The following KIF9 variants were observed in gnomAD, a reference collection of about 807,000 sequenced individuals.
KIF9 encodes the protein kinesin-like protein KIF9.
Under a neutral mutation model 94.8 loss-of-function variants are expected in KIF9, and 68 were observed. The observed-to-expected ratio is 0.72, with a 90% CI of 0.59 to 0.88. KIF9 has a LOEUF of 0.88. Ranked by LOEUF, KIF9 falls within the 40% of genes least tolerant of loss-of-function variation. KIF9 has a pLI of 0.00. For missense variants in KIF9, 882 were observed against 982.5 expected, an observed-to-expected ratio of 0.90 and a Z score of 1.37; for synonymous variants, 343 against 362.1, an observed-to-expected ratio of 0.95 and a Z score of 0.60.
intron 18 of KIF9, 111 bp from the exon 19 acceptor site, chr3:47,236,260 C>G (rs2107079527): frequency 9.8e-7 from 1 of 1,015,818 alleles, no homozygotes; most frequent in South Asian, 1.4e-5. Context: ...GCTCCAAGGT[C>G]TTACCCTGTC....
Position 47,271,365 on chromosome 3 carries a change from T to G in KIF9, c.463A>C (p.Thr155Pro). The G allele has an allele frequency of 6.2e-7, 1 of 1,613,518 alleles. No individual in the cohort carries two copies. The highest frequency in any genetic ancestry group is 8.5e-7 in the Non-Finnish European group (1 of 1,179,856). Residue 155 changes from threonine (T) to proline (P), a missense_variant, in exon 5 of 21, where the codon ACT (threonine) becomes CCT (proline). Physicochemically the swap from Thr to Pro is conservative, Grantham distance 38 (BLOSUM62 -1). Coordinates refer to ENST00000684063, the MANE Select transcript of KIF9 (RefSeq NM_182902.4). ...ACTGAGGGTCCAACATAGGGCAGAG[T>G]GGACAGGAGATCAAACAGGCTCTCA... ...YNESLFDLLSTLPYVGPSVTP... is the reference protein window; with the variant it reads ...YNESLFDLLSPLPYVGPSVTP...
chr3:47,274,732 T>C (rs985845655), intron 3 of KIF9, among the ~76,000 whole-genome samples: 2 of 152,346 alleles, frequency 1.3e-5, no homozygotes, highest in Non-Finnish European at 2.9e-5. Context: ...CAGAGCATCA[T>C]GAAAACCAAA....
chr3:47,230,697 C>A (rs1575902121), intron 20 of KIF9, among the ~76,000 whole-genome samples: 1 of 151,040 alleles, frequency 6.6e-6, no homozygotes, highest in East Asian at 2.0e-4. Flanking sequence ...CACCATTGCA[C>A]TCCAGCCTAG....
intron 20 of KIF9, among the ~76,000 whole-genome samples, chr3:47,229,803 G>A (rs550533438): frequency 2.6e-5 from 4 of 151,436 alleles, no homozygotes; most frequent in South Asian, 2.1e-4. Flanking sequence ...GCGCAATCTC[G>A]GCTCACTACA....
rs1313413540 is a variant in KIF9, at chr3:47,267,190, A to G, written c.665T>C (p.Ile222Thr). The G allele has an allele frequency of 6.2e-7, 1 of 1,612,492 alleles. No individual in the cohort carries two copies. The highest frequency in any genetic ancestry group is 8.5e-7 in the Non-Finnish European group (1 of 1,178,690). Residue 222 changes from isoleucine to threonine, a missense_variant, in exon 6 of 21, where the codon ATC becomes ACC. Physicochemically the swap from Ile to Thr is moderately conservative, Grantham distance 89. Transcript: ENST00000684063. Reference sequence around the variant, plus strand: ...AGAGCTTGCACCTACCTCTAAGTAGATGGTGAAAATGCAGTGTGATCTGGA... The same window carrying G: ...AGAGCTTGCACCTACCTCTAAGTAGGTGGTGAAAATGCAGTGTGATCTGGA... ...NSSRSHCIFT[I>T]YLEAHSRTLS...
chr3:47,243,317 T>C lies in KIF9; in HGVS notation c.1515-72A>G, dbSNP rs1018295395. 28 of 1,344,936 alleles carry C rather than the reference T, an allele frequency of 2.1e-5. No individual in the cohort carries two copies. In the African/African-American group the frequency reaches 3.8e-4, roughly 18 times the overall value. The allele number at this position is 1,344,936 out of a possible 1,614,324, so 83.3% of individuals were successfully genotyped here. On this transcript the variant is annotated intron_variant, in intron 15 of 20. Transcript: ENST00000684063. Reference sequence around the variant, plus strand: ...TTATCAGATGCCAGGATGAGTGACCTTTCTCAGCACTGACTACACTGGGAA... The same window carrying C: ...TTATCAGATGCCAGGATGAGTGACCCTTCTCAGCACTGACTACACTGGGAA...
At chr3:47,245,144 C>G in intron 14 of KIF9, 1 of 612,848 alleles carries the variant, frequency 1.6e-6, no homozygotes. Context: ...ACCAGTATGG[C>G]ACCTCATTCC....
At chr3:47,245,677 C>T in intron 13 of KIF9, 166 bp from the exon 14 acceptor site, 1 of 623,620 alleles carries the variant, frequency 1.6e-6, no homozygotes, top group South Asian at 1.9e-5. Context: ...CTCACTTCCC[C>T]CTGCCCCATT....
At chr3:47,241,656 T>C in intron 16 of KIF9, among the ~76,000 whole-genome samples, 1 of 134,928 alleles carries the variant, frequency 7.4e-6, no homozygotes, top group Admixed American at 7.4e-5. Flanking sequence ...TGTGTATATA[T>C]ATATGTGTGT....
intron 3 of KIF9, among the ~76,000 whole-genome samples, chr3:47,274,538 C>T (rs1701841916): frequency 1.3e-5 from 2 of 152,232 alleles, no homozygotes; most frequent in South Asian, 2.1e-4. Flanking sequence ...TTTACACAAG[C>T]GATCCTGATT....
intron 1 of KIF9, among the ~76,000 whole-genome samples, chr3:47,280,093 T>C (rs1702234213): frequency 6.6e-6 from 1 of 152,000 alleles, no homozygotes; most frequent in Admixed American, 6.6e-5. Context: ...AGAGTAGTGG[T>C]AGGACAGGTG....
intron 1 of KIF9, 62 bp from the exon 2 acceptor site, chr3:47,277,441 G>A (rs1438505352): frequency 1.8e-6 from 2 of 1,093,040 alleles, no homozygotes; most frequent in Admixed American, 1.8e-5. Context: ...TAGAGGAGAG[G>A]GGTCATTCAT....
rs983883785 is a variant in KIF9 at position 47,271,219 on chromosome 3, C to T, written c.591+18G>A. 5.7e-6 allele frequency: 9 copies of T among 1,565,806 alleles called. No individual in the cohort carries two copies. In the African/African-American group the frequency reaches 1.2e-4, roughly 21 times the overall value. ...GGAGGGAGAGAAGGAAAGGAACCCTCAGGTTTTATTATCTCACCTCAAAAA... is the reference window on the plus strand; with the variant it reads ...GGAGGGAGAGAAGGAAAGGAACCCTTAGGTTTTATTATCTCACCTCAAAAA... On this transcript the variant is annotated intron_variant, in intron 5 of 20. Coordinates refer to ENST00000684063, the MANE Select transcript of KIF9 (RefSeq NM_182902.4).
At position 47,234,299 on chromosome 3, in the gene KIF9, TCTCAG is replaced by T. The variant is rs1239259242; in HGVS notation, c.2322+1209_2322+1213del. On this transcript the variant is annotated intron_variant, in intron 20 of 20. Coordinates refer to ENST00000684063, the MANE Select transcript of KIF9 (RefSeq NM_182902.4). ...CCGAGGCTGGAGTGTAGTGGTACAA[TCTCAG>T]CTCACTGGGACCTCCGCCTCCCAGA... Among the ~76,000 whole-genome samples the T allele has an allele frequency of 9.9e-5, 15 of 151,380 alleles. No homozygotes were observed. In the East Asian group the frequency reaches 1.9e-3, roughly 20 times the overall value.
chr3:47,245,637 A>T (rs1699873638), intron 13 of KIF9, 126 bp from the exon 14 acceptor site: 1 of 720,100 alleles, frequency 1.4e-6, no homozygotes, highest in African/African-American at 1.8e-5. Flanking sequence ...CACCTTCATC[A>T]TGAACCAGAC....
chr3:47,238,749 C>T (rs1434588237), intron 17 of KIF9, among the ~76,000 whole-genome samples: 1 of 152,018 alleles, frequency 6.6e-6, no homozygotes, highest in African/African-American at 2.4e-5. Context: ...CAAGCTCTGC[C>T]TCCCGGGTTT....
chr3:47,257,592 C>T (rs1004508006), intron 9 of KIF9, 32 bp from the exon 10 acceptor site: 1 of 1,593,102 alleles, frequency 6.3e-7, no homozygotes, highest in Non-Finnish European at 8.6e-7. Context: ...CATTAGATGG[C>T]TCGCCACTAA....
intron 10 of KIF9, chr3:47,250,556 G>T: frequency 2.1e-6 from 1 of 484,368 alleles, no homozygotes. Flanking sequence ...GTCGTAACAA[G>T]GTTCAAGGGT....
intron 10 of KIF9, among the ~76,000 whole-genome samples, chr3:47,253,795 G>T (rs1214856550): frequency 1.3e-5 from 2 of 152,084 alleles, no homozygotes; most frequent in African/African-American, 4.8e-5. Flanking sequence ...CCTGTTAAAG[G>T]ATATTATGTT....
Sources: allele counts gnomAD v4.1 joint callset (sites outside exome capture counted in the v4.1 genomes callset), GRCh38; gene constraint gnomAD v4.1.1; transcripts MANE v1.5; gene names NCBI Gene and HGNC (gene_info 2026-07-23, HGNC 2026-07-21).